NLGN1: variants seen among roughly 807,000 people sequenced by gnomAD.
NLGN1 encodes neuroligin-1.
NLGN1 carries 12 observed loss-of-function variants against 65.5 expected under a neutral mutation model. That is an observed-to-expected ratio of 0.18 (90% confidence interval 0.12 to 0.30). The LOEUF (loss-of-function observed/expected upper bound fraction) is 0.30, where lower values mean the gene tolerates loss of function less well. NLGN1 is among the 10% of genes least tolerant of loss of function. The pLI is 1.00. For missense variants in NLGN1, 750 were observed against 1,007.1 expected, an observed-to-expected ratio of 0.74 and a Z score of 3.46; for synonymous variants, 350 against 359.5, an observed-to-expected ratio of 0.97 and a Z score of 0.30.
chr3:173,469,406 C>A (rs190807507), intron 2 of NLGN1, among the ~76,000 whole-genome samples: 16 of 152,122 alleles, frequency 1.1e-4, no homozygotes, highest in African/African-American at 3.9e-4. Context: ...TGATCCCCTC[C>A]TTTTCTAATA....
At chr3:173,713,183 C>T (rs955666371) in intron 3 of NLGN1, among the ~76,000 whole-genome samples, 2 of 152,050 alleles carry the variant, frequency 1.3e-5, no homozygotes, top group Non-Finnish European at 2.9e-5. Context: ...ATGGCTCTCA[C>T]GGCATCATTG....
chr3:173,850,174 C>G (rs1291769550), intron 4 of NLGN1, among the ~76,000 whole-genome samples: 5 of 152,066 alleles, frequency 3.3e-5, no homozygotes, highest in African/African-American at 1.2e-4. Context: ...TTAATACATA[C>G]TAAGTGACAT....
intron 2 of NLGN1, among the ~76,000 whole-genome samples, chr3:173,460,503 G>A (rs1164951059): frequency 6.6e-6 from 1 of 152,066 alleles, no homozygotes; most frequent in East Asian, 1.9e-4. Context: ...AGTGTTGAAT[G>A]TTATCATCTA....
intron 2 of NLGN1, among the ~76,000 whole-genome samples, chr3:173,500,168 T>G (rs983031401): frequency 4.6e-5 from 7 of 152,144 alleles, no homozygotes; most frequent in African/African-American, 7.2e-5. Flanking sequence ...TGTCCATTCA[T>G]TATGATACTG....
chr3:174,109,050 A>T (rs948182141), intron 4 of NLGN1, among the ~76,000 whole-genome samples: 2 of 152,080 alleles, frequency 1.3e-5, no homozygotes, highest in Admixed American at 1.3e-4. Context: ...GAACTATTTG[A>T]AAAGATACAG....
intron 4 of NLGN1, among the ~76,000 whole-genome samples, chr3:174,111,315 A>G (rs1021873228): frequency 6.6e-6 from 1 of 151,870 alleles, no homozygotes; most frequent in African/African-American, 2.4e-5. Context: ...ATCTGAATTG[A>G]TCGTATGTAA....
intron 4 of NLGN1, among the ~76,000 whole-genome samples, chr3:173,976,382 G>T (rs895656047): frequency 1.3e-5 from 2 of 151,976 alleles, no homozygotes; most frequent in Non-Finnish European, 2.9e-5. Context: ...GTAGCTAATA[G>T]CCTAATTGCG....
At chr3:173,419,105 CTATA>C (rs1005604303) in intron 1 of NLGN1, among the ~76,000 whole-genome samples, 40 of 99,446 alleles carry the variant, frequency 4.0e-4, no homozygotes, top group African/African-American at 1.5e-3. Flanking sequence ...ATCTATCTAT[CTATA>C]TATATCGATT....
At chr3:174,050,477 A>C (rs564822174) in intron 4 of NLGN1, among the ~76,000 whole-genome samples, 138 of 150,768 alleles carry the variant, frequency 9.2e-4, no homozygotes, top group African/African-American at 3.2e-3. Flanking sequence ...TCTATGGTAA[A>C]CTGTTAGAAA....
intron 4 of NLGN1, among the ~76,000 whole-genome samples, chr3:174,273,715 C>CACAA (rs1269067384): frequency 6.6e-6 from 1 of 151,570 alleles, no homozygotes; most frequent in African/African-American, 2.4e-5. Context: ...TTCAGGATTC[C>CACAA]ACAAACACAG....
intron 2 of NLGN1, among the ~76,000 whole-genome samples, chr3:173,573,277 C>T (rs1362987724): frequency 6.6e-6 from 1 of 151,924 alleles, no homozygotes; most frequent in Non-Finnish European, 1.5e-5. Context: ...ATGTACCCTC[C>T]AAACTGGAAA....
intron 4 of NLGN1, among the ~76,000 whole-genome samples, chr3:174,081,034 C>T (rs1476296555): frequency 1.3e-5 from 2 of 151,100 alleles, no homozygotes; most frequent in Admixed American, 6.6e-5. Flanking sequence ...AAAAATTAAA[C>T]GTGAGAAATC....
At chr3:173,433,369 A>C (rs1717551700) in intron 1 of NLGN1, among the ~76,000 whole-genome samples, 1 of 152,040 alleles carries the variant, frequency 6.6e-6, no homozygotes, top group Non-Finnish European at 1.5e-5. Context: ...TCCCTGTCTG[A>C]AACCTCTCCT....
chr3:173,450,193 G>A (rs556087197), intron 2 of NLGN1, among the ~76,000 whole-genome samples: 29 of 152,250 alleles, frequency 1.9e-4, no homozygotes, highest in African/African-American at 6.3e-4. Flanking sequence ...TTTTGCAGTG[G>A]CTGGTACTGG....
intron 4 of NLGN1, among the ~76,000 whole-genome samples, chr3:173,844,093 GT>G (rs1178825970): frequency 3.9e-5 from 6 of 152,284 alleles, no homozygotes; most frequent in African/African-American, 1.4e-4. Flanking sequence ...GAAAACTCCT[GT>G]TTTTAAAACC....
Position 173,918,394 on chromosome 3 carries a change from T to TG in NLGN1, c.646+110568dup, listed in dbSNP as rs1304859588. ...GCTCACACCTGTAATCCCAGCACTT[T>TG]GGGGGGCCGAGGCAGGCAGATCACG... On this transcript the variant is annotated intron_variant, in intron 4 of 6. Transcript: ENST00000457714. 4.6e-5 allele frequency among the ~76,000 whole-genome samples: 7 copies of TG among 152,128 alleles called. No individual in the cohort carries two copies. In the East Asian group the frequency reaches 1.4e-3, roughly 29 times the overall value.
At chr3:173,976,762 C>T (rs187044494) in intron 4 of NLGN1, among the ~76,000 whole-genome samples, 1 of 152,034 alleles carries the variant, frequency 6.6e-6, no homozygotes, top group African/African-American at 2.4e-5. Flanking sequence ...TGTTTCTTAG[C>T]TGTCATTTCC....
chr3:173,791,129 A>G (rs1440772371), intron 3 of NLGN1, among the ~76,000 whole-genome samples: 1 of 152,208 alleles, frequency 6.6e-6, no homozygotes, highest in Non-Finnish European at 1.5e-5. Flanking sequence ...TGGGTGTGGT[A>G]GCCCCACTGA....
chr3:174,001,702 C>T (rs1032877491), intron 4 of NLGN1, among the ~76,000 whole-genome samples: 5 of 152,048 alleles, frequency 3.3e-5, no homozygotes, highest in Admixed American at 3.3e-4. Flanking sequence ...AATCCATGTA[C>T]AACAGTTAGC....
Sources: gnomAD v4.1 joint callset for allele counts (sites outside exome capture counted in the v4.1 genomes callset) on GRCh38, gnomAD v4.1.1 for gene constraint, MANE v1.5 for transcripts, NCBI Gene and HGNC (gene_info 2026-07-23, HGNC 2026-07-21) for gene names.